Variants in RADIL observed in about 807,000 individuals in gnomAD.
RADIL encodes the protein ras-associating and dilute domain-containing protein.
RADIL carries 99 observed loss-of-function variants against 97.6 expected under a neutral mutation model. The observed-to-expected ratio is 1.01, with a 90% CI of 0.86 to 1.20. RADIL has a LOEUF of 1.20. Ranked by LOEUF, RADIL falls within the 50% of genes most tolerant of loss-of-function variation. RADIL has a pLI of 0.00. For missense variants in RADIL, 1,765 were observed against 1,498.9 expected (o/e 1.18, Z -2.93); for synonymous variants, 803 against 691.8 (o/e 1.16, Z -2.52).
rs1782699284 is a variant in RADIL, at chr7:4,817,172, G to A, written c.1728+67C>T. 4.2e-6 allele frequency: 6 copies of A among 1,416,762 alleles called. No individual in the cohort carries two copies. Among genetic ancestry groups the A allele is most frequent in the Non-Finnish European group, 5.9e-6 (6 of 1,022,290 alleles). The allele number at this position is 1,416,762 out of a possible 1,614,324, so 87.8% of individuals were successfully genotyped here. On this transcript the variant is annotated intron_variant, in intron 7 of 14. Coordinates refer to ENST00000399583, the MANE Select transcript of RADIL (RefSeq NM_018059.5). This position sits in a 1 kb window ranked among gnomAD's most constrained non-coding sequence, Gnocchi z 8.3. ...AGAAGGCTCCTTAGGAGAGCCACAG[G>A]CACAAGCTTGAGCCCCACTTGATCC...
Position 4,872,881 on chromosome 7 carries a change from T to C in RADIL, c.535+4724A>G, listed in dbSNP as rs564202000. 6.6e-6 allele frequency among the ~76,000 whole-genome samples: 1 copy of C among 152,182 alleles called. No homozygotes were observed. Among genetic ancestry groups the C allele is most frequent in the Admixed American group, 6.5e-5 (1 of 15,280 alleles). On this transcript the variant is annotated intron_variant, in intron 2 of 14. Coordinates refer to ENST00000399583, the MANE Select transcript of RADIL (RefSeq NM_018059.5). This position sits in a 1 kb window ranked among gnomAD's most constrained non-coding sequence, Gnocchi z 5.8. The stretch of plus-strand genomic sequence containing the variant: ...GGGCAGGGGAGAGGCCTGAGAGACT[T>C]TGGCGAAATGCTTCCCCTGAAATGG...
rs138993643 is a variant in RADIL, at chr7:4,851,530, G to A, written c.536-14925C>T. Among the ~76,000 whole-genome samples, 630 of 152,310 alleles carry A rather than the reference G, an allele frequency of 4.1e-3. 6 individuals carry two copies. The highest frequency in any genetic ancestry group is 0.014 in the African/African-American group (593 of 41,568). On this transcript the variant is annotated intron_variant, in intron 2 of 14. Transcript: ENST00000399583. The stretch of plus-strand genomic sequence containing the variant: ...GCGAAGGCTCAGAAGGAAGCGAGGG[G>A]CATGTTACTGGAAACTGGAGGAAGG...
chr7:4,836,569 C>T lies in RADIL; in HGVS notation c.572G>A (p.Arg191His), dbSNP rs758019619. 68 of 1,607,428 alleles carry T rather than the reference C, an allele frequency of 4.2e-5. No individual in the cohort carries two copies. The highest frequency in any genetic ancestry group is 8.8e-5 in the South Asian group (8 of 90,980). Residue 191 changes from arginine (R) to histidine (H), a missense_variant, in exon 3 of 15, where the codon CGC (arginine) becomes CAC (histidine). By Grantham distance (29) the Arg-to-His change is conservative (BLOSUM62 0). Coordinates refer to ENST00000399583, the MANE Select transcript of RADIL (RefSeq NM_018059.5). ...GGCCGGGGTCGGGGTTCCCTTCGCG[C>T]GACTCCGCTGCAGCCTCCGGGCCTG... ...NAQARRLQRS[R>H]AKGTPTPALG...
At position 4,815,704 on chromosome 7, in the gene RADIL, GC is replaced by G. The variant is rs1455609862; in HGVS notation, c.1967-255del. On this transcript the variant is annotated intron_variant, in intron 8 of 14. Transcript: ENST00000399583. This position sits in a 1 kb window ranked among gnomAD's most constrained non-coding sequence, Gnocchi z 8.0. ...TGACTGCCGCTGACTCCACAGTGCA[GC>G]CCCTAGCTGGGACCCTCTCCCACTC... 6.6e-6 allele frequency among the ~76,000 whole-genome samples: 1 copy of G among 152,154 alleles called. No homozygotes were observed. Among genetic ancestry groups the G allele is most frequent in the African/African-American group, 2.4e-5 (1 of 41,434 alleles).
At position 4,805,581 on chromosome 7, in the gene RADIL, C is replaced by G; in HGVS notation, c.2275G>C (p.Glu759Gln). The change falls in exon 10 of 15, where the codon GAG (glutamate) becomes CAG (glutamine). Residue 759 changes from glutamate to glutamine, a missense_variant. By Grantham distance (29) the Glu-to-Gln change is conservative. Transcript: ENST00000399583. Reference sequence around the variant, plus strand: ...CAGGGCTTACCTGACCTGAAGGCCTCGGGGCTGTCCTGGGCCCCTGGCTCC... The same window carrying G: ...CAGGGCTTACCTGACCTGAAGGCCTGGGGGCTGTCCTGGGCCCCTGGCTCC... ...TWEPGAQDSP[E>Q]AFRSEDVLES... 1.2e-6 allele frequency: 2 copies of G among 1,606,906 alleles called. No individual in the cohort carries two copies. The highest frequency in any genetic ancestry group is 1.7e-6 in the Non-Finnish European group (2 of 1,176,526).
In RADIL at chr7:4,883,596, C is replaced by T. The variant is rs1784529345; in HGVS notation, c.-65G>A. ...CACTCCTCGCGCACCCCACACTCAC[C>T]TCCGGCACAACCCGCCGCGCCGCCA... On this transcript the variant is annotated splice_region_variant and 5_prime_UTR_variant, in exon 1 of 15. Transcript: ENST00000399583. This position sits in a 1 kb window ranked among gnomAD's most constrained non-coding sequence, Gnocchi z 7.1. 6.6e-6 allele frequency: 1 copy of T among 152,082 alleles called. No homozygotes were observed. Among genetic ancestry groups the T allele is most frequent in the Admixed American group, 6.6e-5 (1 of 15,232 alleles). The allele number at this position is 152,082 out of a possible 1,614,324, so 9.4% of individuals were successfully genotyped here.
chr7:4,805,446 T>A, intron 10 of RADIL, 120 bp downstream of exon 10: 1 of 1,230,422 alleles, frequency 8.1e-7, no homozygotes, highest in South Asian at 2.2e-5. Context: ...TCCAGGGAGG[T>A]CCCCAGGAGA....
At chr7:4,875,111 G>A (rs1409459127) in intron 2 of RADIL, among the ~76,000 whole-genome samples, 1 of 143,902 alleles carries the variant, frequency 6.9e-6, no homozygotes, top group Non-Finnish European at 1.5e-5. Flanking sequence ...AGAATGGCGT[G>A]AACCCGGGAG....
Position 4,878,014 on chromosome 7 carries a change from G to A in RADIL, c.126C>T (p.Thr42=), listed in dbSNP as rs777911606. The A allele has an allele frequency of 6.7e-5, 108 of 1,610,984 alleles. No homozygotes were observed. The highest frequency in any genetic ancestry group is 8.8e-5 in the Non-Finnish European group (104 of 1,179,380). The change falls in exon 2 of 15, where the codon ACC becomes ACT. Residue 42 remains threonine, a synonymous_variant. Transcript: ENST00000399583. This position sits in a 1 kb window ranked among gnomAD's most constrained non-coding sequence, Gnocchi z 4.1. ...LSYKYRDLDS[T]FSSLGASDDP... ...CATCGCTGGCGCCCAGGCTGGAGAA[G>A]GTGGAGTCCAGGTCCCGGTACTTGT...
At position 4,836,605 on chromosome 7, in the gene RADIL, C is replaced by T; in HGVS notation, c.536G>A (p.Gly179Glu). ...CAGCCTCCGGGCCTGGGCGTTTATC[C>T]CTGGAACAGAAGCAACACAAGGTGA... The part of the protein sequence containing the change: ...AAKEVDTITA[G>E]INAQARRLQR... The change falls in exon 3 of 15, where the codon GGG (glycine) becomes GAG (glutamate). Residue 179 changes from glycine to glutamate, a missense_variant and splice_region_variant. Physicochemically the swap from Gly to Glu is moderately conservative, Grantham distance 98 (BLOSUM62 -2). Coordinates refer to ENST00000399583, the MANE Select transcript of RADIL (RefSeq NM_018059.5). The T allele has an allele frequency of 6.2e-7, 1 of 1,606,584 alleles. No individual in the cohort carries two copies. The highest frequency in any genetic ancestry group is 8.5e-7 in the Non-Finnish European group (1 of 1,179,684).
Position 4,835,288 on chromosome 7 carries a change from G to A in RADIL, c.784-49C>T, listed in dbSNP as rs1168841767. ...GCAGGCGTAACGCGAGCAGCACACG[G>A]GAAAAGCGTCCCGTGTCTAGTCACT... is the stretch of plus-strand genomic sequence containing the variant. On this transcript the variant is annotated intron_variant, in intron 3 of 14. Coordinates refer to ENST00000399583, the MANE Select transcript of RADIL (RefSeq NM_018059.5). This position sits in a 1 kb window ranked among gnomAD's most constrained non-coding sequence, Gnocchi z 5.8. 4 of 1,584,708 alleles carry A rather than the reference G, an allele frequency of 2.5e-6. No individual in the cohort carries two copies. The South Asian group carries it at 4.5e-5, about 18-fold the overall frequency.
At chr7:4,801,399 T>C (rs977392893) in intron 12 of RADIL, among the ~76,000 whole-genome samples, 12 of 152,232 alleles carry the variant, frequency 7.9e-5, no homozygotes, top group African/African-American at 2.7e-4. Flanking sequence ...AGCCACTTTC[T>C]AGACTCTCTC....
chr7:4,846,609 T>C (rs1177598366), intron 2 of RADIL, among the ~76,000 whole-genome samples: 2 of 149,178 alleles, frequency 1.3e-5, no homozygotes, highest in Non-Finnish European at 3.0e-5. Context: ...GCAGTGGTGC[T>C]GTCTCAGCTC....
At chr7:4,836,051 G>A (rs560479708) in intron 3 of RADIL, among the ~76,000 whole-genome samples, 2 of 152,344 alleles carry the variant, frequency 1.3e-5, no homozygotes, top group African/African-American at 4.8e-5. Flanking sequence ...AGAGCCAGGC[G>A]GGAGACCAAG....
rs78048750 is a variant in RADIL, at chr7:4,833,939, G to A, written c.1416+668C>T. On this transcript the variant is annotated intron_variant, in intron 4 of 14. Coordinates refer to ENST00000399583, the MANE Select transcript of RADIL (RefSeq NM_018059.5). ...ATTGCGTGTGTGTGTGTGGCGGGGCGGCAGAGGGTGACCGGCATCTAGGGG... is the reference window on the plus strand; with the variant it reads ...ATTGCGTGTGTGTGTGTGGCGGGGCAGCAGAGGGTGACCGGCATCTAGGGG... Among the ~76,000 whole-genome samples, 1,091 of 152,252 alleles carry A rather than the reference G, an allele frequency of 7.2e-3. 16 individuals are homozygous for A. The highest frequency in any genetic ancestry group is 0.025 in the African/African-American group (1,038 of 41,528).
In RADIL at chr7:4,840,835, T is replaced by G. The variant is rs188925942; in HGVS notation, c.536-4230A>C. Among the ~76,000 whole-genome samples the G allele has an allele frequency of 7.9e-5, 12 of 151,588 alleles. No homozygotes were observed. The highest frequency in any genetic ancestry group is 2.9e-4 in the African/African-American group (12 of 41,226). ...TACAAAACTTAGCTGGGCGTGGAGGTGGGCGCCTGTAGTCCCGGCTACTCG... is the reference window on the plus strand; with the variant it reads ...TACAAAACTTAGCTGGGCGTGGAGGGGGGCGCCTGTAGTCCCGGCTACTCG... On this transcript the variant is annotated intron_variant, in intron 2 of 14. Transcript: ENST00000399583. This position sits in a 1 kb window ranked among gnomAD's most constrained non-coding sequence, Gnocchi z 5.6.
At position 4,822,009 on chromosome 7, in the gene RADIL, C is replaced by G. The variant is rs886922091; in HGVS notation, c.1615+385G>C. ...GGGCGGCGGTCTCATGGCCGACGCTCTCTCTACCGCCCCTTACATTTGGTT... is the reference window on the plus strand; with the variant it reads ...GGGCGGCGGTCTCATGGCCGACGCTGTCTCTACCGCCCCTTACATTTGGTT... On this transcript the variant is annotated intron_variant, in intron 6 of 14. Transcript: ENST00000399583. This position sits in a 1 kb window ranked among gnomAD's most constrained non-coding sequence, Gnocchi z 5.3. Among the ~76,000 whole-genome samples the G allele has an allele frequency of 1.3e-5, 2 of 152,150 alleles. No individual in the cohort carries two copies. The highest frequency in any genetic ancestry group is 4.8e-5 in the African/African-American group (2 of 41,432).
At chr7:4,830,082 C>G (rs1783098550) in intron 5 of RADIL, among the ~76,000 whole-genome samples, 1 of 152,204 alleles carries the variant, frequency 6.6e-6, no homozygotes, top group Admixed American at 6.5e-5. Flanking sequence ...TCAGTGTTAT[C>G]TCACGTGTGT....
At position 4,840,468 on chromosome 7, in the gene RADIL, C is replaced by A. The variant is rs909402132; in HGVS notation, c.536-3863G>T. 6.6e-6 allele frequency among the ~76,000 whole-genome samples: 1 copy of A among 152,112 alleles called. No individual in the cohort carries two copies. Among genetic ancestry groups the A allele is most frequent in the African/African-American group, 2.4e-5 (1 of 41,426 alleles). The stretch of plus-strand genomic sequence containing the variant: ...CATGGCGCCATCGCTAGACACACAG[C>A]GTGGAGTTGTCAAGGCCCTCAGACC... On this transcript the variant is annotated intron_variant, in intron 2 of 14. Transcript: ENST00000399583. The surrounding 1 kb of genome is among the most constrained non-coding windows in gnomAD (Gnocchi z 5.6).
Sources: allele counts gnomAD v4.1 joint callset (sites outside exome capture counted in the v4.1 genomes callset), GRCh38; gene constraint gnomAD v4.1.1; non-coding constraint Gnocchi (gnomAD v3.1); transcripts MANE v1.5; gene names NCBI Gene and HGNC (gene_info 2026-07-23, HGNC 2026-07-21).